UHRF2: variants seen among roughly 807,000 people sequenced by gnomAD.
UHRF2 encodes the protein ubiquitin like with PHD and ring finger domains 2, also known as E3 ubiquitin-protein ligase UHRF2.
A neutral mutation model predicts 96.8 loss-of-function variants in UHRF2; 23 were observed. The observed-to-expected ratio is 0.24, with a 90% CI of 0.17 to 0.34. UHRF2 has a LOEUF of 0.34. Among genes scored for constraint, UHRF2 ranks in the 10% least tolerant of loss-of-function variants. UHRF2 has a pLI of 1.00. For synonymous variants in UHRF2, 385 were observed against 332.6 expected (o/e 1.16, Z -1.72); for missense variants, 685 against 981.5 (o/e 0.70, Z 4.04).
chr9:6,452,709 A>C (rs537433967), intron 3 of UHRF2, among the ~76,000 whole-genome samples: 31 of 152,336 alleles, frequency 2.0e-4, no homozygotes, highest in Admixed American at 8.5e-4. Context: ...TAAGAGCATG[A>C]AGGGTTTTTC....
At chr9:6,469,664 G>GTC (rs1364775997) in intron 4 of UHRF2, among the ~76,000 whole-genome samples, 1 of 109,236 alleles carries the variant, frequency 9.2e-6, no homozygotes, top group Non-Finnish European at 1.8e-5. Context: ...AAAGGTGTGT[G>GTC]TGTGTGTGTG....
At chr9:6,493,744 G>A in intron 9 of UHRF2, 82 bp from the exon 10 acceptor site, 2 of 1,212,488 alleles carry the variant, frequency 1.6e-6, no homozygotes, top group Non-Finnish European at 2.3e-6. Flanking sequence ...ACATCCTAAT[G>A]AAATGTTTTG....
At chr9:6,497,395 C>G in intron 11 of UHRF2, 35 bp downstream of exon 11, 1 of 1,603,446 alleles carries the variant, frequency 6.2e-7, no homozygotes, top group Non-Finnish European at 8.5e-7. Context: ...GTTTGTCATT[C>G]TTCCTGGGCT....
chr9:6,469,681 T>TATATGTATACACGTATATAC (rs1823102841), intron 4 of UHRF2, among the ~76,000 whole-genome samples: 2 of 87,648 alleles, frequency 2.3e-5, no homozygotes, highest in Non-Finnish European at 4.1e-5. Flanking sequence ...TGTGTGTATG[T>TATATGTATACACGTATATAC]ATATATATAC....
intron 2 of UHRF2, among the ~76,000 whole-genome samples, chr9:6,427,520 C>T (rs1031613437): frequency 6.6e-6 from 1 of 152,052 alleles, no homozygotes; most frequent in Non-Finnish European, 1.5e-5. Context: ...AACTCCGTCT[C>T]TACTGAAAAT....
chr9:6,438,069 A>C (rs557513658), intron 3 of UHRF2, among the ~76,000 whole-genome samples: 1 of 152,336 alleles, frequency 6.6e-6, no homozygotes, highest in Admixed American at 6.5e-5. Flanking sequence ...TCAAAATGTA[A>C]AACTACAGTG....
At chr9:6,487,260 G>C (rs1374573118) in intron 9 of UHRF2, among the ~76,000 whole-genome samples, 3 of 129,928 alleles carry the variant, frequency 2.3e-5, no homozygotes, top group Non-Finnish European at 4.6e-5. Context: ...TGTGATCTCA[G>C]CTCCCTGCAA....
Position 6,481,498 on chromosome 9 carries a change from T to C in UHRF2, c.1161-145T>C, listed in dbSNP as rs546616867. On this transcript the variant is annotated intron_variant, in intron 6 of 15. Transcript: ENST00000276893. ...AACCATGTAAATATTTTGAAAAGTT[T>C]AGTATTTTAATGCCAGTTAAAGCTC... 4.8e-6 allele frequency: 4 copies of C among 837,168 alleles called. No homozygotes were observed. The African/African-American group carries it at 5.1e-5, about 11-fold the overall frequency. The allele number at this position is 837,168 out of a possible 1,614,324, so 51.9% of individuals were successfully genotyped here. A position where few individuals can be genotyped will look rare whatever the true frequency, so the allele number is the denominator to read the frequency against.
At chr9:6,469,713 C>CGTATAT (rs371551368) in intron 4 of UHRF2, among the ~76,000 whole-genome samples, 83 of 148,800 alleles carry the variant, frequency 5.6e-4, no homozygotes, top group East Asian at 2.0e-3. Flanking sequence ...TACATATACA[C>CGTATAT]ACATATATGT....
chr9:6,502,593 A>G (rs1816358314), intron 14 of UHRF2, among the ~76,000 whole-genome samples: 1 of 152,176 alleles, frequency 6.6e-6, no homozygotes, highest in South Asian at 2.1e-4. Flanking sequence ...CTGTTTCATC[A>G]GTTATTACTA....
intron 8 of UHRF2, among the ~76,000 whole-genome samples, chr9:6,485,103 C>A (rs1824188224): frequency 6.6e-6 from 1 of 152,034 alleles, no homozygotes; most frequent in African/African-American, 2.4e-5. Flanking sequence ...ATATTAACTT[C>A]TTTCTGTGGA....
At chr9:6,491,199 T>C (rs2130942543) in intron 9 of UHRF2, among the ~76,000 whole-genome samples, 1 of 152,360 alleles carries the variant, frequency 6.6e-6, no homozygotes. Flanking sequence ...TTGCTCAGTG[T>C]TCAGGAGAAG....
intron 3 of UHRF2, among the ~76,000 whole-genome samples, chr9:6,450,752 G>T (rs370108137): frequency 6.6e-6 from 1 of 152,200 alleles, no homozygotes; most frequent in East Asian, 1.9e-4. Context: ...TTAGCCTTTG[G>T]AAGATCCTTC....
At chr9:6,491,924 G>T (rs114384498) in intron 9 of UHRF2, among the ~76,000 whole-genome samples, 346 of 152,200 alleles carry the variant, frequency 2.3e-3, no homozygotes, top group Middle Eastern at 0.02. Context: ...ATAGAGACAA[G>T]GTCTCGCTAT....
chr9:6,432,721 G>C (rs1280936618), intron 2 of UHRF2, among the ~76,000 whole-genome samples: 1 of 152,052 alleles, frequency 6.6e-6, no homozygotes, highest in Admixed American at 6.6e-5. Flanking sequence ...CTCCCTTCAA[G>C]GAAAAGATAA....
chr9:6,472,846 G>A lies in UHRF2; in HGVS notation c.864-2545G>A, dbSNP rs188057815. Among the ~76,000 whole-genome samples, 10 of 152,156 alleles carry A rather than the reference G, an allele frequency of 6.6e-5. No individual in the cohort carries two copies. The East Asian group carries it at 1.5e-3, about 23-fold the overall frequency. On this transcript the variant is annotated intron_variant, in intron 4 of 15. Transcript: ENST00000276893. ...CTAATTTTGGTGTCCTTAAGAACTG[G>A]GATTTTTCTGGTTGGGGGAAAAAGG... is the stretch of plus-strand genomic sequence containing the variant.
intron 14 of UHRF2, among the ~76,000 whole-genome samples, chr9:6,503,096 G>C (rs962004958): frequency 6.6e-6 from 1 of 152,180 alleles, no homozygotes; most frequent in African/African-American, 2.4e-5. Context: ...CTGGGTTCAA[G>C]TGATTCTCCT....
intron 3 of UHRF2, among the ~76,000 whole-genome samples, chr9:6,436,082 A>T (rs1376414496): frequency 6.6e-6 from 1 of 152,234 alleles, no homozygotes; most frequent in East Asian, 1.9e-4. Flanking sequence ...TCACTAATCA[A>T]GTAATACATT....
At chr9:6,443,279 G>T (rs1351499794) in intron 3 of UHRF2, among the ~76,000 whole-genome samples, 2 of 152,208 alleles carry the variant, frequency 1.3e-5, no homozygotes, top group Non-Finnish European at 2.9e-5. Context: ...AACACAGTGT[G>T]CCAAGCAGTA....
Sources: allele counts gnomAD v4.1 joint callset (sites outside exome capture counted in the v4.1 genomes callset), GRCh38; gene constraint gnomAD v4.1.1; transcripts MANE v1.5; gene names NCBI Gene and HGNC (gene_info 2026-07-23, HGNC 2026-07-21).